ARHGAP25: variants seen among roughly 807,000 people sequenced by gnomAD.
ARHGAP25 encodes the protein rho GTPase-activating protein 25.
In ARHGAP25, 34 loss-of-function variants were observed where a neutral mutation model predicts 71.0. The observed-to-expected ratio is 0.48, with a 90% CI of 0.36 to 0.64. ARHGAP25 has a LOEUF of 0.64. Among genes scored for constraint, ARHGAP25 ranks in the 30% least tolerant of loss-of-function variants. The probability of loss-of-function intolerance (pLI) is 0.00; values close to 1 mark genes in which losing one functional copy is unlikely to be tolerated. For missense variants in ARHGAP25, 706 were observed against 805.1 expected (o/e 0.88, Z 1.49); for synonymous variants, 282 against 296.5 (o/e 0.95, Z 0.50).
At chr2:68,758,844 A>G (rs974521094) in intron 1 of ARHGAP25, among the ~76,000 whole-genome samples, 2 of 151,958 alleles carry the variant, frequency 1.3e-5, no homozygotes, top group African/African-American at 4.8e-5. Flanking sequence ...AGGATAGACC[A>G]TATATTAGGA....
intron 1 of ARHGAP25, among the ~76,000 whole-genome samples, chr2:68,751,507 C>T (rs563034837): frequency 2.6e-5 from 4 of 152,314 alleles, no homozygotes; most frequent in Non-Finnish European, 5.9e-5. Flanking sequence ...TATTCGCACA[C>T]CTGCCATTGC....
chr2:68,808,243 C>T (rs1680522469), intron 5 of ARHGAP25, among the ~76,000 whole-genome samples: 1 of 152,226 alleles, frequency 6.6e-6, no homozygotes, highest in African/African-American at 2.4e-5. Context: ...AGATTGACTG[C>T]TCTTTCCAAA....
rs1202327299 is a variant in ARHGAP25, at chr2:68,767,579, G to A, written c.62-7642G>A. ...CAGCTGTGGTGTGGGCCTGACTGCC[G>A]GCCCACGGTAGCTTAGCTCACTCTC... On this transcript the variant is annotated intron_variant, in intron 1 of 10. Transcript: ENST00000409202. This position sits in a 1 kb window ranked among gnomAD's most constrained non-coding sequence, Gnocchi z 4.6. Among the ~76,000 whole-genome samples the A allele has an allele frequency of 6.6e-6, 1 of 152,068 alleles. No individual in the cohort carries two copies. Among genetic ancestry groups the A allele is most frequent in the African/African-American group, 2.4e-5 (1 of 41,368 alleles).
intron 2 of ARHGAP25, among the ~76,000 whole-genome samples, chr2:68,722,780 A>T (rs1287974473): frequency 1.3e-5 from 2 of 151,992 alleles, no homozygotes; most frequent in Non-Finnish European, 2.9e-5. Flanking sequence ...ATTTTTCCCC[A>T]TCAAGCTGGG....
At chr2:68,723,215 C>G (rs1674806894) in intron 2 of ARHGAP25, among the ~76,000 whole-genome samples, 1 of 152,178 alleles carries the variant, frequency 6.6e-6, no homozygotes, top group South Asian at 2.1e-4. Flanking sequence ...AGGGAGTTAT[C>G]CATGATCATA....
intron 1 of ARHGAP25, among the ~76,000 whole-genome samples, chr2:68,773,141 C>G (rs766208713): frequency 6.6e-6 from 1 of 152,136 alleles, no homozygotes; most frequent in African/African-American, 2.4e-5. Flanking sequence ...GTGGAGTCCT[C>G]TTCAGACAGC....
At chr2:68,732,461 C>T (rs1433567290), upstream of ARHGAP25, among the ~76,000 whole-genome samples, 5 of 152,258 alleles carry the variant, frequency 3.3e-5, no homozygotes, top group East Asian at 9.6e-4. Context: ...ACCTCTCTCA[C>T]ACCCGCTTAA....
rs141474775 is a variant in ARHGAP25 at position 68,824,559 on chromosome 2, G to A, written c.1734-1428G>A. On this transcript the variant is annotated intron_variant, in intron 10 of 10. Coordinates refer to ENST00000409202, the MANE Select transcript of ARHGAP25 (RefSeq NM_001007231.3). The stretch of plus-strand genomic sequence containing the variant: ...AGATCGAGACCATCCTGGCTAACAC[G>A]GTGAAACCATGTCTCTCCTAAAAAT... Among the ~76,000 whole-genome samples the A allele has an allele frequency of 4.9e-3, 740 of 152,258 alleles. 4 individuals are homozygous for A. Among genetic ancestry groups the A allele is most frequent in the Middle Eastern group, 0.024 (7 of 294 alleles).
chr2:68,805,137 G>T (rs1680271299), intron 4 of ARHGAP25, among the ~76,000 whole-genome samples: 1 of 152,142 alleles, frequency 6.6e-6, no homozygotes, highest in Non-Finnish European at 1.5e-5. Context: ...GGTGCAGCCA[G>T]GGAAGGGGGA....
At chr2:68,804,569 G>A (rs1006165713) in intron 4 of ARHGAP25, among the ~76,000 whole-genome samples, 2 of 152,100 alleles carry the variant, frequency 1.3e-5, no homozygotes, top group Admixed American at 1.3e-4. Context: ...CCCCTCAAAG[G>A]CAGACAGTCC....
At chr2:68,780,636 TCTC>T (rs1324216956) in intron 2 of ARHGAP25, among the ~76,000 whole-genome samples, 2 of 151,880 alleles carry the variant, frequency 1.3e-5, no homozygotes, top group East Asian at 3.9e-4. Flanking sequence ...TCATCCTCAT[TCTC>T]CTCCTCCATT....
intron 1 of ARHGAP25, among the ~76,000 whole-genome samples, chr2:68,758,328 G>A (rs1035446227): frequency 2.0e-5 from 3 of 151,818 alleles, no homozygotes; most frequent in Non-Finnish European, 4.4e-5. Context: ...TGGCAGAATG[G>A]ATAAGAAAAC....
At chr2:68,801,457 A>G (rs7585849) in intron 4 of ARHGAP25, among the ~76,000 whole-genome samples, 46,723 of 151,714 alleles carry the variant, frequency 0.31, 8,254 homozygotes, top group East Asian at 0.51. Context: ...AAGAAGAAGG[A>G]GGTGGCTTGC....
At chr2:68,760,859 A>G (rs930598867) in intron 1 of ARHGAP25, among the ~76,000 whole-genome samples, 2 of 102,830 alleles carry the variant, frequency 1.9e-5, no homozygotes, top group African/African-American at 3.7e-5. Context: ...GGGATCCTGA[A>G]TAGCAAAAAA....
At chr2:68,797,699 C>T (rs1679659990) in intron 4 of ARHGAP25, among the ~76,000 whole-genome samples, 1 of 152,222 alleles carries the variant, frequency 6.6e-6, no homozygotes, top group Admixed American at 6.5e-5. Flanking sequence ...GAATGTTGTC[C>T]CACAGCAGCC....
chr2:68,755,686 C>T (rs1573444728), intron 1 of ARHGAP25, among the ~76,000 whole-genome samples: 1 of 152,218 alleles, frequency 6.6e-6, no homozygotes, highest in East Asian at 1.9e-4. Context: ...TTCTACCTAC[C>T]GCTCTTGCGT....
At chr2:68,775,098 C>A in intron 1 of ARHGAP25, 123 bp from the exon 2 acceptor site, 1 of 1,581,110 alleles carries the variant, frequency 6.3e-7, no homozygotes, top group Non-Finnish European at 8.6e-7. Flanking sequence ...GACCCCTGAA[C>A]TGGACCTGGT....
At chr2:68,740,915 C>T (rs193252776) in intron 1 of ARHGAP25, among the ~76,000 whole-genome samples, 7 of 152,230 alleles carry the variant, frequency 4.6e-5, no homozygotes, top group African/African-American at 1.4e-4. Context: ...GAAAGGAGGA[C>T]GTGTGATATA....
intron 4 of ARHGAP25, among the ~76,000 whole-genome samples, chr2:68,801,314 GCC>G (rs1679945359): frequency 1.3e-5 from 2 of 152,090 alleles, no homozygotes; most frequent in South Asian, 4.1e-4. Context: ...AGGGAGGGAG[GCC>G]CTGGGACCCT....
Sources: allele counts gnomAD v4.1 joint callset (sites outside exome capture counted in the v4.1 genomes callset), GRCh38; gene constraint gnomAD v4.1.1; non-coding constraint Gnocchi (gnomAD v3.1); transcripts MANE v1.5; gene names NCBI Gene and HGNC (gene_info 2026-07-23, HGNC 2026-07-21).